The following SYT16 variants were observed in gnomAD, a reference collection of about 807,000 sequenced individuals.
SYT16 encodes synaptotagmin-16.
In SYT16, 42 loss-of-function variants were observed where a neutral mutation model predicts 61.4. The observed-to-expected ratio is 0.68, with a 90% CI of 0.53 to 0.89. SYT16 has a LOEUF of 0.89. Ranked by LOEUF, SYT16 falls within the 40% of genes least tolerant of loss-of-function variation. SYT16 has a pLI of 0.00. For missense variants in SYT16, 804 were observed against 807.3 expected (o/e 1.00, Z 0.05); for synonymous variants, 314 against 302.3 (o/e 1.04, Z -0.40).
intron 3 of SYT16, among the ~76,000 whole-genome samples, chr14:62,042,200 G>A (rs540519520): frequency 6.6e-6 from 1 of 151,852 alleles, no homozygotes; most frequent in South Asian, 2.1e-4. Flanking sequence ...GTGGGATCTT[G>A]CTATGTTGAC....
intron 1 of SYT16, among the ~76,000 whole-genome samples, chr14:61,949,401 G>T (rs2050576251): frequency 1.3e-5 from 2 of 152,316 alleles, no homozygotes; most frequent in South Asian, 4.1e-4. Context: ...CACAGAGACT[G>T]AGTATCTCTG....
intron 3 of SYT16, among the ~76,000 whole-genome samples, chr14:62,068,842 C>T (rs975143747): frequency 4.6e-5 from 7 of 152,160 alleles, no homozygotes; most frequent in African/African-American, 1.7e-4. Flanking sequence ...GTCACCGAGG[C>T]TGGAGTGCAG....
rs939753905 is a variant in SYT16 at position 62,108,525 on chromosome 14, G to A, written c.*7818G>A. ...TTTTTTGAGAGTGTTTCTTTGTCAA[G>A]TTCCTTATAGCCAATGCCTTGACCA... On this transcript the variant is annotated 3_prime_UTR_variant, in exon 8 of 8. Transcript: ENST00000683842. The A allele has an allele frequency of 6.6e-6, 1 of 152,058 alleles. No individual in the cohort carries two copies. The highest frequency in any genetic ancestry group is 1.5e-5 in the Non-Finnish European group (1 of 67,996). The allele number at this position is 152,058 out of a possible 1,614,324, so 9.4% of individuals were successfully genotyped here. A position where few individuals can be genotyped will look rare whatever the true frequency, so the allele number is the denominator to read the frequency against.
At chr14:62,027,597 C>G (rs986941768) in intron 3 of SYT16, among the ~76,000 whole-genome samples, 1 of 152,180 alleles carries the variant, frequency 6.6e-6, no homozygotes, top group Non-Finnish European at 1.5e-5. Flanking sequence ...CATTGTATTT[C>G]AGTCCAGCCT....
intron 2 of SYT16, among the ~76,000 whole-genome samples, chr14:61,975,061 G>A (rs986680767): frequency 4.6e-5 from 7 of 152,198 alleles, no homozygotes; most frequent in African/African-American, 1.4e-4. Context: ...TTTTATTTCT[G>A]CATTTAGGTG....
intron 2 of SYT16, among the ~76,000 whole-genome samples, chr14:61,992,534 ACCT>A (rs1274630352): frequency 6.6e-6 from 1 of 151,880 alleles, no homozygotes; most frequent in African/African-American, 2.4e-5. Flanking sequence ...GTACCTCTAG[ACCT>A]CCTCAGACCC....
At chr14:61,881,815 ATCT>A (rs1167263843) in intron 1 of SYT16, among the ~76,000 whole-genome samples, 3 of 152,154 alleles carry the variant, frequency 2.0e-5, no homozygotes, top group South Asian at 4.1e-4. Flanking sequence ...TGTGTTTATC[ATCT>A]TCTTCTACAG....
intron 1 of SYT16, among the ~76,000 whole-genome samples, chr14:61,961,888 T>C (rs2051130146): frequency 6.6e-6 from 1 of 152,104 alleles, no homozygotes; most frequent in Non-Finnish European, 1.5e-5. Flanking sequence ...AATGGTAGAC[T>C]TGATAAAGAA....
intron 1 of SYT16, among the ~76,000 whole-genome samples, chr14:61,892,793 T>C (rs1391186757): frequency 3.3e-5 from 5 of 152,144 alleles, no homozygotes; most frequent in Admixed American, 3.3e-4. Flanking sequence ...GGGGATTAGA[T>C]ACCGGGCCGG....
intron 3 of SYT16, among the ~76,000 whole-genome samples, chr14:62,009,862 A>C (rs956934431): frequency 1.3e-5 from 2 of 152,166 alleles, no homozygotes; most frequent in East Asian, 3.9e-4. Context: ...CCTGAGCCCA[A>C]TTCTGTGGTG....
intron 1 of SYT16, among the ~76,000 whole-genome samples, chr14:61,934,887 A>G (rs1038281752): frequency 6.6e-6 from 1 of 152,146 alleles, no homozygotes; most frequent in African/African-American, 2.4e-5. Flanking sequence ...AGAGTTTAAA[A>G]CTTTGTGGCT....
intron 1 of SYT16, among the ~76,000 whole-genome samples, chr14:61,949,219 T>C (rs2050568154): frequency 6.6e-6 from 1 of 152,190 alleles, no homozygotes; most frequent in Admixed American, 6.5e-5. Flanking sequence ...TGAAGGCACA[T>C]TGACATCTCC....
At chr14:61,829,660 C>CTT (rs546044080) in intron 1 of SYT16, among the ~76,000 whole-genome samples, 54 of 145,664 alleles carry the variant, frequency 3.7e-4, no homozygotes, top group African/African-American at 1.0e-3. Context: ...ATTTTCTTTT[C>CTT]TTTTTTTTTT....
At chr14:62,012,910 A>T (rs916236398) in intron 3 of SYT16, among the ~76,000 whole-genome samples, 1 of 152,240 alleles carries the variant, frequency 6.6e-6, no homozygotes, top group East Asian at 1.9e-4. Context: ...TCACATTAGC[A>T]TGAGCTTTCA....
At chr14:61,863,473 C>T (rs1367230988) in intron 1 of SYT16, among the ~76,000 whole-genome samples, 1 of 152,162 alleles carries the variant, frequency 6.6e-6, no homozygotes, top group Non-Finnish European at 1.5e-5. Flanking sequence ...TGTGTTCTTA[C>T]TGTTGAATTT....
intron 3 of SYT16, among the ~76,000 whole-genome samples, chr14:62,054,259 T>C (rs2140898471): frequency 6.6e-6 from 1 of 152,248 alleles, no homozygotes; most frequent in Admixed American, 6.5e-5. Context: ...GGGGCTGCTA[T>C]TCTAGTATAA....
intron 3 of SYT16, among the ~76,000 whole-genome samples, chr14:62,054,004 C>T (rs555380805): frequency 5.9e-5 from 9 of 152,238 alleles, no homozygotes; most frequent in South Asian, 2.1e-4. Context: ...CAGTCATAGC[C>T]GTGAATGTGC....
intron 1 of SYT16, among the ~76,000 whole-genome samples, chr14:61,882,547 C>T (rs938756948): frequency 1.3e-5 from 2 of 152,176 alleles, no homozygotes; most frequent in Admixed American, 1.3e-4. Flanking sequence ...ACAGAGATTA[C>T]AATTCAAGAT....
chr14:61,851,514 TA>T, intron 1 of SYT16, among the ~76,000 whole-genome samples: 1 of 152,344 alleles, frequency 6.6e-6, no homozygotes, highest in East Asian at 1.9e-4. Flanking sequence ...TGAACTAACT[TA>T]CACTCCCACC....
Sources: gnomAD v4.1 joint callset for allele counts (sites outside exome capture counted in the v4.1 genomes callset) on GRCh38, gnomAD v4.1.1 for gene constraint, MANE v1.5 for transcripts, NCBI Gene and HGNC (gene_info 2026-07-23, HGNC 2026-07-21) for gene names.